Variants in SH3KBP1 observed in about 807,000 individuals in gnomAD.
The protein encoded by SH3KBP1 is SH3 domain containing kinase binding protein 1.
In SH3KBP1, 8 loss-of-function variants were observed where a neutral mutation model predicts 50.1. The ratio of observed to expected loss-of-function variants is 0.16; its 90% CI spans 0.09 to 0.29. SH3KBP1 has a LOEUF of 0.29. Among genes scored for constraint, SH3KBP1 ranks in the 10% least tolerant of loss-of-function variants. The pLI is 1.00. For missense variants in SH3KBP1, 377 were observed against 535.2 expected (o/e 0.70, Z 2.92); for synonymous variants, 227 against 218.6 (o/e 1.04, Z -0.34).
At chrX:19,711,487 T>G (rs1372693194) in intron 3 of SH3KBP1, among the ~76,000 whole-genome samples, 2 of 111,640 alleles carry the variant, frequency 1.8e-5, no homozygotes, top group Non-Finnish European at 3.8e-5. Flanking sequence ...GCCAATTCAT[T>G]CAGTGTCCGT....
At chrX:19,864,208 T>C (rs2068847029) in intron 1 of SH3KBP1, among the ~76,000 whole-genome samples, 2 of 111,609 alleles carry the variant, frequency 1.8e-5, no homozygotes, top group African/African-American at 6.5e-5. Context: ...TCTGCAAATA[T>C]AGAAGCCATC....
intron 2 of SH3KBP1, among the ~76,000 whole-genome samples, chrX:19,818,453 C>T (rs1336860538): frequency 1.5e-4 from 17 of 111,806 alleles, no homozygotes; most frequent in African/African-American, 3.3e-5. Context: ...TCCAGTATTA[C>T]GTTGAATGAG....
chrX:19,546,200 T>C (rs368953138), intron 14 of SH3KBP1, 150 bp from the exon 15 acceptor site: 3 of 597,229 alleles, frequency 5.0e-6, no homozygotes, highest in Admixed American at 3.3e-5. Flanking sequence ...TGTGCTGTTA[T>C]GCACGCGCTC....
chrX:19,560,519 G>A (rs887448955), intron 13 of SH3KBP1, among the ~76,000 whole-genome samples: 2 of 111,144 alleles, frequency 1.8e-5, no homozygotes, highest in African/African-American at 6.5e-5. Flanking sequence ...GTCTCGAACT[G>A]CTGGCCTCAA....
chrX:19,756,929 G>A (rs952820253), intron 2 of SH3KBP1, among the ~76,000 whole-genome samples: 20 of 107,167 alleles, frequency 1.9e-4, no homozygotes, highest in African/African-American at 5.1e-4. Flanking sequence ...TTGTATGTAC[G>A]CCTCTGTGTG....
intron 1 of SH3KBP1, among the ~76,000 whole-genome samples, chrX:19,869,239 A>G (rs1395942793): frequency 8.9e-6 from 1 of 112,103 alleles, no homozygotes; most frequent in Non-Finnish European, 1.9e-5. Context: ...CAGCCATTAC[A>G]TTTGTGGTAA....
chrX:19,767,052 G>T (rs993049421), intron 2 of SH3KBP1, among the ~76,000 whole-genome samples: 1 of 111,583 alleles, frequency 9.0e-6, no homozygotes, highest in Non-Finnish European at 1.9e-5. Context: ...AAAGAGTTAT[G>T]ACAACAAAAT....
At chrX:19,778,444 AAAAG>A (rs1569468104) in intron 2 of SH3KBP1, among the ~76,000 whole-genome samples, 2 of 107,919 alleles carry the variant, frequency 1.9e-5, no homozygotes, top group Non-Finnish European at 3.8e-5. Context: ...AAAAAAAAAA[AAAAG>A]AAAAGAAAAA....
chrX:19,688,224 G>C (rs2063208667), intron 5 of SH3KBP1, among the ~76,000 whole-genome samples: 1 of 111,866 alleles, frequency 8.9e-6, no homozygotes, highest in Admixed American at 9.4e-5. Context: ...CTCTTTAAAA[G>C]ATCTGTCACC....
chrX:19,865,432 G>A (rs775163044), intron 1 of SH3KBP1, among the ~76,000 whole-genome samples: 1 of 111,969 alleles, frequency 8.9e-6, no homozygotes, highest in African/African-American at 3.2e-5. Context: ...GGGTGGAGGT[G>A]GAGGAGGGGA....
chrX:19,708,766 G>A (rs2063712197), intron 3 of SH3KBP1, among the ~76,000 whole-genome samples: 1 of 111,764 alleles, frequency 8.9e-6, no homozygotes, highest in Non-Finnish European at 1.9e-5. Flanking sequence ...AATCTTTAAA[G>A]GGCTTTCATT....
intron 5 of SH3KBP1, among the ~76,000 whole-genome samples, chrX:19,687,975 A>T (rs746304686): frequency 2.3e-3 from 256 of 112,298 alleles, no homozygotes; most frequent in African/African-American, 7.7e-3. Context: ...CCCAGTTTAA[A>T]CCTGGAAGCC....
chrX:19,538,587 T>G (rs1362338395), intron 16 of SH3KBP1, among the ~76,000 whole-genome samples: 3 of 94,563 alleles, frequency 3.2e-5, no homozygotes, highest in African/African-American at 1.2e-4. Flanking sequence ...TTATTTATTT[T>G]TATTATTATT....
intron 3 of SH3KBP1, among the ~76,000 whole-genome samples, chrX:19,735,762 T>C (rs1305537647): frequency 2.0e-5 from 2 of 101,315 alleles, no homozygotes; most frequent in Non-Finnish European, 2.0e-5. Flanking sequence ...CTTGCTCAGT[T>C]GCCCAGGCTG....
intron 1 of SH3KBP1, among the ~76,000 whole-genome samples, chrX:19,837,246 G>A (rs1021762186): frequency 1.2e-4 from 13 of 111,473 alleles, no homozygotes; most frequent in African/African-American, 3.3e-4. Context: ...GAGCTCTTAC[G>A]CATCAATTCC....
At chrX:19,546,129 C>T in intron 14 of SH3KBP1, 79 bp from the exon 15 acceptor site, 1 of 1,076,314 alleles carries the variant, frequency 9.3e-7, no homozygotes, top group Non-Finnish European at 1.3e-6. Flanking sequence ...ATGCTGTATG[C>T]TTTAAAAGCA....
chrX:19,823,255 T>C (rs192022354), intron 2 of SH3KBP1, among the ~76,000 whole-genome samples: 2 of 111,764 alleles, frequency 1.8e-5, no homozygotes, highest in African/African-American at 6.5e-5. Flanking sequence ...TATCTCACAG[T>C]TCTGTAGGTC....
At chrX:19,736,504 C>T (rs1490841147) in intron 3 of SH3KBP1, among the ~76,000 whole-genome samples, 1 of 112,243 alleles carries the variant, frequency 8.9e-6, no homozygotes, top group African/African-American at 3.2e-5. Context: ...GACAAGCAGG[C>T]TAGTCCTCCT....
intron 3 of SH3KBP1, among the ~76,000 whole-genome samples, chrX:19,719,366 C>T (rs1286454164): frequency 1.8e-5 from 2 of 111,279 alleles, no homozygotes; most frequent in Non-Finnish European, 3.8e-5. Context: ...TCTAATGCCT[C>T]ATTTAAAGAA....
Sources: gnomAD v4.1 joint callset for allele counts (sites outside exome capture counted in the v4.1 genomes callset) on GRCh38, gnomAD v4.1.1 for gene constraint, MANE v1.5 for transcripts, NCBI Gene and HGNC (gene_info 2026-07-23, HGNC 2026-07-21) for gene names.